The following ACSM4 variants were observed in gnomAD, a reference collection of about 807,000 sequenced individuals.
ACSM4 encodes the protein acyl-coenzyme A synthetase ACSM4, mitochondrial.
In ACSM4, 66 loss-of-function variants were observed where a neutral mutation model predicts 73.0. The ratio of observed to expected loss-of-function variants is 0.90; its 90% confidence interval spans 0.74 to 1.11. ACSM4 has a LOEUF of 1.11. ACSM4 is among the 50% of genes least tolerant of loss of function. The pLI is 0.00. For synonymous variants in ACSM4, 222 were observed against 254.0 expected (o/e 0.87, Z 1.20); for missense variants, 645 against 714.4 (o/e 0.90, Z 1.11).
intron 3 of ACSM4, among the ~76,000 whole-genome samples, chr12:7,315,682 G>A (rs969813332): frequency 3.9e-5 from 6 of 152,096 alleles, no homozygotes; most frequent in Admixed American, 2.6e-4. Flanking sequence ...TACTGTACCG[G>A]TTATTCATCA....
At chr12:7,326,437 G>A (rs966984274) in intron 11 of ACSM4, among the ~76,000 whole-genome samples, 15 of 152,106 alleles carry the variant, frequency 9.9e-5, no homozygotes, top group Non-Finnish European at 1.6e-4. Context: ...TTCAAACTCC[G>A]GGGCTGAAGT....
At chr12:7,324,690 C>G (rs1412564041) in intron 11 of ACSM4, 92 bp downstream of exon 11, 1 of 1,357,312 alleles carries the variant, frequency 7.4e-7, no homozygotes, top group Middle Eastern at 1.8e-4. Context: ...AGAGGTCAAT[C>G]TATTAATTCT....
chr12:7,325,526 A>C (rs1251055679), intron 11 of ACSM4, among the ~76,000 whole-genome samples: 4 of 152,176 alleles, frequency 2.6e-5, no homozygotes, highest in Non-Finnish European at 2.9e-5. Flanking sequence ...GGGCACCTGT[A>C]ATCTCAGCTA....
intron 3 of ACSM4, among the ~76,000 whole-genome samples, chr12:7,315,863 C>T (rs1286952373): frequency 1.3e-5 from 2 of 152,150 alleles, no homozygotes; most frequent in African/African-American, 4.8e-5. Context: ...TTAAGTCAGG[C>T]TGGCTGCCAG....
chr12:7,328,407 A>G lies in ACSM4; in HGVS notation c.*34A>G, dbSNP rs1946527281. 2.7e-6 allele frequency: 4 copies of G among 1,471,784 alleles called. No individual in the cohort carries two copies. The highest frequency in any genetic ancestry group is 3.7e-6 in the Non-Finnish European group (4 of 1,086,016). 91.2% of individuals were successfully genotyped at this position (1,471,784 alleles called of 1,614,324 possible). On this transcript the variant is annotated 3_prime_UTR_variant, in exon 13 of 13. Coordinates refer to ENST00000399422, the MANE Select transcript of ACSM4 (RefSeq NM_001080454.2). ...CAAAGCTGAAGGGTTAAGCAGTAAT[A>G]TGGTTGCTTTCTTTTAGTATTTGTT... is the stretch of plus-strand genomic sequence containing the variant.
chr12:7,316,711 A>C (rs1455488850), intron 3 of ACSM4, among the ~76,000 whole-genome samples: 1 of 152,222 alleles, frequency 6.6e-6, no homozygotes, highest in East Asian at 1.9e-4. Context: ...AGTTTGAATC[A>C]AATGCCAAAC....
At position 7,324,536 on chromosome 12, in the gene ACSM4, A is replaced by C; in HGVS notation, c.1474A>C (p.Ile492Leu). Residue 492 changes from isoleucine to leucine, a missense_variant, in exon 11 of 13, where the codon ATT becomes CTT. Physicochemically the swap from Ile to Leu is conservative, Grantham distance 5. Coordinates refer to ENST00000399422, the MANE Select transcript of ACSM4 (RefSeq NM_001080454.2). Reference protein sequence around the residue: ...IGPFEVESALIEHPAVVESAV... With the variant: ...IGPFEVESALLEHPAVVESAV... ...GCCATTTGAAGTGGAGAGTGCACTC[A>C]TTGAGCATCCAGCAGTTGTTGAATC... 2 of 1,614,000 alleles carry C rather than the reference A, an allele frequency of 1.2e-6. No homozygotes were observed. The highest frequency in any genetic ancestry group is 8.5e-7 in the Non-Finnish European group (1 of 1,179,876).
rs1489226457 is a variant in ACSM4 at position 7,328,406 on chromosome 12, T to C, written c.*33T>C. 2.0e-6 allele frequency: 3 copies of C among 1,473,010 alleles called. No individual in the cohort carries two copies. Among genetic ancestry groups the C allele is most frequent in the Non-Finnish European group, 2.8e-6 (3 of 1,087,118 alleles). The allele number at this position is 1,473,010 out of a possible 1,614,324, so 91.2% of individuals were successfully genotyped here. The stretch of plus-strand genomic sequence containing the variant: ...ACAAAGCTGAAGGGTTAAGCAGTAA[T>C]ATGGTTGCTTTCTTTTAGTATTTGT... On this transcript the variant is annotated 3_prime_UTR_variant, in exon 13 of 13. Transcript: ENST00000399422.
intron 2 of ACSM4, among the ~76,000 whole-genome samples, chr12:7,308,440 T>C (rs1010942518): frequency 2.6e-5 from 4 of 152,196 alleles, no homozygotes; most frequent in African/African-American, 9.6e-5. Context: ...ATGAGAATAT[T>C]GAAATTGTTT....
At position 7,310,602 on chromosome 12, in the gene ACSM4, C is replaced by T; in HGVS notation, c.476C>T (p.Ala159Val). 4 of 1,612,836 alleles carry T rather than the reference C, an allele frequency of 2.5e-6. No homozygotes were observed. The South Asian group carries it at 3.3e-5, about 13-fold the overall frequency. Reference protein sequence around the residue: ...TAKDILYRLRASKAKCIVASE... With the variant: ...TAKDILYRLRVSKAKCIVASE... ...AAAGACATCCTCTACCGGCTGCGAG[C>T]ATCCAAGGCCAAGTGCATTGTGGCC... Residue 159 changes from alanine (A) to valine (V), a missense_variant, in exon 3 of 13, where the codon GCA (alanine) becomes GTA (valine). By Grantham distance (64) the Ala-to-Val change is moderately conservative. Transcript: ENST00000399422.
chr12:7,318,296 T>G, intron 5 of ACSM4, 114 bp downstream of exon 5: 2 of 1,392,218 alleles, frequency 1.4e-6, no homozygotes, highest in Non-Finnish European at 1.9e-6. Context: ...GGAAATCATT[T>G]CTTTATACAA....
intron 1 of ACSM4, 23 bp downstream of exon 1, chr12:7,304,555 T>C: frequency 6.2e-7 from 1 of 1,603,576 alleles, no homozygotes; most frequent in Non-Finnish European, 8.5e-7. Context: ...GGGCTTCCAG[T>C]AGATGCTTGG....
chr12:7,327,157 A>C, intron 12 of ACSM4, 62 bp downstream of exon 12: 1 of 1,484,682 alleles, frequency 6.7e-7, no homozygotes, highest in Non-Finnish European at 9.0e-7. Context: ...AGCTAGAATT[A>C]GATTTTACTG....
At chr12:7,323,699 C>A in intron 9 of ACSM4, 139 bp downstream of exon 9, 1 of 733,434 alleles carries the variant, frequency 1.4e-6, no homozygotes, top group Non-Finnish European at 2.2e-6. Context: ...CATCTGTCAC[C>A]CAAGAGTACT....
At chr12:7,306,981 G>A (rs1344570394) in intron 2 of ACSM4, among the ~76,000 whole-genome samples, 4 of 152,172 alleles carry the variant, frequency 2.6e-5, no homozygotes, top group East Asian at 1.9e-4. Flanking sequence ...CTTGCCGGGC[G>A]TGGTGGCTCA....
chr12:7,306,845 G>GAAAAAAAAAA, intron 2 of ACSM4, 102 bp downstream of exon 2: 1 of 332,948 alleles, frequency 3.0e-6, no homozygotes, highest in Non-Finnish European at 4.1e-6. Flanking sequence ...GCATACAGAA[G>GAAAAAAAAAA]ACAAAAAAAA....
chr12:7,306,847 C>CA (rs59277746), intron 2 of ACSM4, 104 bp downstream of exon 2: 53,430 of 482,840 alleles, frequency 0.11, 2,709 homozygotes, highest in Admixed American at 0.21. Context: ...ATACAGAAGA[C>CA]AAAAAAAAAA....
At position 7,311,563 on chromosome 12, in the gene ACSM4, G is replaced by A. The variant is rs74056546; in HGVS notation, c.620+817G>A. On this transcript the variant is annotated intron_variant, in intron 3 of 12. Coordinates refer to ENST00000399422, the MANE Select transcript of ACSM4 (RefSeq NM_001080454.2). ...TCCTCCTGTTTTCTTCATATCACTC[G>A]TCACCACCTGAATTATCATGCCCAT... 6.4e-3 allele frequency among the ~76,000 whole-genome samples: 981 copies of A among 152,250 alleles called. 10 individuals are homozygous for A. Among genetic ancestry groups the A allele is most frequent in the African/African-American group, 0.022 (925 of 41,544 alleles).
chr12:7,310,595 C>G lies in ACSM4; in HGVS notation c.469C>G (p.Leu157Val). 1 of 1,612,672 alleles carries G rather than the reference C, an allele frequency of 6.2e-7. No homozygotes were observed. Among genetic ancestry groups the G allele is most frequent in the Non-Finnish European group, 8.5e-7 (1 of 1,179,484 alleles). ...GACAGCAAAAGACATCCTCTACCGG[C>G]TGCGAGCATCCAAGGCCAAGTGCAT... is the stretch of plus-strand genomic sequence containing the variant. ...QLTAKDILYR[L>V]RASKAKCIVA... The change falls in exon 3 of 13, where the codon CTG (leucine) becomes GTG (valine). Residue 157 changes from leucine (L) to valine (V), a missense_variant. Coordinates refer to ENST00000399422, the MANE Select transcript of ACSM4 (RefSeq NM_001080454.2).
Sources: allele counts gnomAD v4.1 joint callset (sites outside exome capture counted in the v4.1 genomes callset), GRCh38; gene constraint gnomAD v4.1.1; transcripts MANE v1.5; gene names NCBI Gene and HGNC (gene_info 2026-07-23, HGNC 2026-07-21).